SLC24A2: variants seen among roughly 807,000 people sequenced by gnomAD.
SLC24A2 encodes the protein solute carrier family 24 member 2.
In SLC24A2, 36 loss-of-function variants were observed where a neutral mutation model predicts 62.0. The ratio of observed to expected loss-of-function variants is 0.58; its 90% CI spans 0.44 to 0.77. SLC24A2 has a LOEUF of 0.77. SLC24A2 is among the 30% of genes least tolerant of loss of function. The pLI is 0.00. For synonymous variants in SLC24A2, 358 were observed against 294.0 expected (o/e 1.22, Z -2.23); for missense variants, 846 against 817.9 (o/e 1.03, Z -0.42).
the SLC24A2 span, among the ~76,000 whole-genome samples, chr9:20,020,284 C>A: frequency 6.6e-6 from 1 of 152,158 alleles, no homozygotes; most frequent in Non-Finnish European, 1.5e-5. Flanking sequence ...ATGTTTATTG[C>A]AGCACTGTTC....
At chr9:20,271,198 G>C in the SLC24A2 span, among the ~76,000 whole-genome samples, 1 of 152,098 alleles carries the variant, frequency 6.6e-6, no homozygotes, top group Non-Finnish European at 1.5e-5. Context: ...TAATTCTCTT[G>C]CCCTATTTCG....
At chr9:20,046,716 T>C in the SLC24A2 span, among the ~76,000 whole-genome samples, 1 of 152,216 alleles carries the variant, frequency 6.6e-6, no homozygotes, top group Non-Finnish European at 1.5e-5. Context: ...AAACCTACTC[T>C]GTGGTGGGAC....
chr9:19,699,637 T>C, intron 2 of SLC24A2, among the ~76,000 whole-genome samples: 1 of 152,204 alleles, frequency 6.6e-6, no homozygotes, highest in East Asian at 1.9e-4. Flanking sequence ...TTTCTAAAAA[T>C]ACAGTATGGA....
chr9:20,256,735 G>T, the SLC24A2 span, among the ~76,000 whole-genome samples: 1 of 152,228 alleles, frequency 6.6e-6, no homozygotes, highest in African/African-American at 2.4e-5. Flanking sequence ...TGATACCCTG[G>T]AGATGATTCA....
intron 8 of SLC24A2, among the ~76,000 whole-genome samples, chr9:19,535,261 C>G (rs897268035): frequency 2.0e-5 from 3 of 152,158 alleles, no homozygotes; most frequent in East Asian, 3.9e-4. Flanking sequence ...AGCCGTTTGT[C>G]AGATGGATAG....
At chr9:19,909,416 G>A in the SLC24A2 span, among the ~76,000 whole-genome samples, 2 of 152,014 alleles carry the variant, frequency 1.3e-5, no homozygotes, top group African/African-American at 4.8e-5. Flanking sequence ...CACCAACATG[G>A]CACATGTATA....
chr9:19,953,781 A>G, the SLC24A2 span, among the ~76,000 whole-genome samples: 2 of 152,044 alleles, frequency 1.3e-5, no homozygotes, highest in Non-Finnish European at 2.9e-5. Context: ...GGACTCACAT[A>G]CTGCCTATTT....
chr9:20,191,067 C>G, the SLC24A2 span, among the ~76,000 whole-genome samples: 1 of 152,204 alleles, frequency 6.6e-6, no homozygotes. Context: ...AAGATTATTT[C>G]CCCTGCAGCA....
At chr9:20,153,574 T>G in the SLC24A2 span, among the ~76,000 whole-genome samples, 1 of 151,890 alleles carries the variant, frequency 6.6e-6, no homozygotes, top group Non-Finnish European at 1.5e-5. Context: ...TGAAGGGACA[T>G]CATCTTGAAG....
chr9:20,070,299 G>A, the SLC24A2 span, among the ~76,000 whole-genome samples: 3 of 152,252 alleles, frequency 2.0e-5, no homozygotes, highest in Non-Finnish European at 2.9e-5. Flanking sequence ...CTCAATAAAT[G>A]TCTCGATTTT....
chr9:19,928,137 A>C, the SLC24A2 span: 3 of 152,080 alleles, frequency 2.0e-5, no homozygotes, highest in African/African-American at 7.3e-5. Context: ...TTGTTGGAAG[A>C]CTCTCAGAGG....
At chr9:20,098,657 C>G in the SLC24A2 span, among the ~76,000 whole-genome samples, 1 of 152,214 alleles carries the variant, frequency 6.6e-6, no homozygotes, top group South Asian at 2.1e-4. Context: ...TGGAAGGAAA[C>G]ATTCAGACCC....
chr9:19,957,602 G>C, the SLC24A2 span: 1 of 153,056 alleles, frequency 6.5e-6, no homozygotes, highest in African/African-American at 2.4e-5. Flanking sequence ...TGAGGTGGGG[G>C]TGGAAGTATG....
chr9:20,184,833 G>T, the SLC24A2 span, among the ~76,000 whole-genome samples: 2 of 152,062 alleles, frequency 1.3e-5, no homozygotes, highest in African/African-American at 4.8e-5. Flanking sequence ...ATTCATGATA[G>T]TTAAGACATG....
the SLC24A2 span, among the ~76,000 whole-genome samples, chr9:20,297,703 G>A: frequency 1.3e-5 from 2 of 152,210 alleles, no homozygotes. Flanking sequence ...GTGGATCCGT[G>A]GGCGCTTCCT....
chr9:19,954,382 T>C, the SLC24A2 span, among the ~76,000 whole-genome samples: 180 of 152,066 alleles, frequency 1.2e-3, no homozygotes, highest in Non-Finnish European at 2.1e-3. Context: ...AGTAAGACAA[T>C]GTAACCAAGT....
At chr9:20,233,249 G>T in the SLC24A2 span, among the ~76,000 whole-genome samples, 10 of 152,104 alleles carry the variant, frequency 6.6e-5, no homozygotes, top group African/African-American at 2.4e-4. Context: ...GGTCTGCTTG[G>T]TGCAGAGCTG....
the SLC24A2 span, among the ~76,000 whole-genome samples, chr9:19,916,547 C>G: frequency 6.6e-6 from 1 of 151,954 alleles, no homozygotes; most frequent in Non-Finnish European, 1.5e-5. Context: ...ACAAATGTGT[C>G]TGTATGTACA....
chr9:20,057,230 A>T, the SLC24A2 span, among the ~76,000 whole-genome samples: 1 of 152,192 alleles, frequency 6.6e-6, no homozygotes, highest in Non-Finnish European at 1.5e-5. Flanking sequence ...TTTTTTAAAA[A>T]AGCTAAATTT....
Sources: allele counts gnomAD v4.1 joint callset (sites outside exome capture counted in the v4.1 genomes callset), GRCh38; gene constraint gnomAD v4.1.1; transcripts MANE v1.5; gene names NCBI Gene and HGNC (gene_info 2026-07-23, HGNC 2026-07-21).